The following CERS1 variants were observed in gnomAD, a reference collection of about 807,000 sequenced individuals.
CERS1 encodes the protein ceramide synthase 1.
Under a neutral mutation model 35.7 loss-of-function variants are expected in CERS1, and 16 were observed. The observed-to-expected ratio is 0.45, with a 90% CI of 0.30 to 0.68. The LOEUF (loss-of-function observed/expected upper bound fraction) is 0.68, where lower values mean the gene tolerates loss of function less well. CERS1 is among the 30% of genes least tolerant of loss of function. The pLI is 0.08. For synonymous variants in CERS1, 243 were observed against 201.6 expected, an observed-to-expected ratio of 1.21 and a Z score of -1.74; for missense variants, 454 against 453.9, an observed-to-expected ratio of 1.00 and a Z score of 0.00.
intron 3 of CERS1, 54 bp downstream of exon 3, chr19:18,884,033 C>T: frequency 6.4e-7 from 1 of 1,566,842 alleles, no homozygotes. Flanking sequence ...ACATCAGCCT[C>T]CGCACTCTGT....
rs2056104210 is a variant in CERS1 at position 18,878,386 on chromosome 19, C to G, written c.1010+544G>C. On this transcript the variant is annotated intron_variant, in intron 6 of 7. Transcript: ENST00000623882. This position sits in a 1 kb window ranked among gnomAD's most constrained non-coding sequence, Gnocchi z 4.6. ...TCGTGGGCTATCTCCTTCCCCAGGA[C>G]TCCCACCTGGGCTGGACTGAGTCTG... is the stretch of plus-strand genomic sequence containing the variant. 2 of 986,842 alleles carry G rather than the reference C, an allele frequency of 2.0e-6. No individual in the cohort carries two copies. Among genetic ancestry groups the G allele is most frequent in the South Asian group, 4.7e-5 (1 of 21,386 alleles). The allele number at this position is 986,842 out of a possible 1,614,324, so 61.1% of individuals were successfully genotyped here. A position where few individuals can be genotyped will look rare whatever the true frequency, so the allele number is the denominator to read the frequency against.
chr19:18,877,074 C>G (rs2056072459), intron 6 of CERS1, among the ~76,000 whole-genome samples: 1 of 152,196 alleles, frequency 6.6e-6, no homozygotes, highest in South Asian at 2.1e-4. Context: ...TGTTTTATAC[C>G]CAACTGCACT....
rs1206715320 is a variant in CERS1 at position 18,878,538 on chromosome 19, C to T, written c.1010+392G>A. On this transcript the variant is annotated intron_variant, in intron 6 of 7. Coordinates refer to ENST00000623882, the MANE Select transcript of CERS1 (RefSeq NM_021267.5). This position sits in a 1 kb window ranked among gnomAD's most constrained non-coding sequence, Gnocchi z 4.6. ...GCCCTTGGCGTTCCTTCCTCCCCAG[C>T]CCCACTGCCACCAGCTCCAGTGGCG... 6.8e-6 allele frequency: 7 copies of T among 1,032,178 alleles called. No individual in the cohort carries two copies. Among genetic ancestry groups the T allele is most frequent in the Non-Finnish European group, 8.2e-6 (7 of 857,216 alleles). The allele number at this position is 1,032,178 out of a possible 1,614,324, so 63.9% of individuals were successfully genotyped here.
intron 1 of CERS1, among the ~76,000 whole-genome samples, chr19:18,894,588 G>C (rs968530): frequency 0.72 from 109,219 of 151,952 alleles, 40,399 homozygotes; most frequent in African/African-American, 0.85. Flanking sequence ...GGTGGGGGAC[G>C]GCTTGCCCTC....
rs1182876067 is a variant in CERS1, at chr19:18,879,231, G to A, written c.900+10C>T. 1 of 1,613,402 alleles carries A rather than the reference G, an allele frequency of 6.2e-7. No individual in the cohort carries two copies. Among genetic ancestry groups the A allele is most frequent in the Non-Finnish European group, 8.5e-7 (1 of 1,179,728 alleles). On this transcript the variant is annotated intron_variant, in intron 5 of 7. Coordinates refer to ENST00000623882, the MANE Select transcript of CERS1 (RefSeq NM_021267.5). ...ACCGCCACTGTGGAGGAGAGCCGGG[G>A]CCGACTCACCAGGAACCAGTAGAGG...
chr19:18,895,112 G>T lies in CERS1; in HGVS notation c.249+712C>A, dbSNP rs995223426. The stretch of plus-strand genomic sequence containing the variant: ...GGAGGCAGCACAGTCCAACCCTGAA[G>T]CCCCGGGCCATGTCACCTCCAAGGG... On this transcript the variant is annotated intron_variant, in intron 1 of 7. Transcript: ENST00000623882. The surrounding 1 kb of genome is among the most constrained non-coding windows in gnomAD (Gnocchi z 6.4). Among the ~76,000 whole-genome samples the T allele has an allele frequency of 1.8e-4, 28 of 152,234 alleles. No individual in the cohort carries two copies. Among genetic ancestry groups the T allele is most frequent in the African/African-American group, 6.8e-4 (28 of 41,462 alleles).
Position 18,895,681 on chromosome 19 carries a change from C to T in CERS1, c.249+143G>A, listed in dbSNP as rs2056607921. 1 of 344,786 alleles carries T rather than the reference C, an allele frequency of 2.9e-6. No individual in the cohort carries two copies. Among genetic ancestry groups the T allele is most frequent in the Non-Finnish European group, 4.7e-6 (1 of 211,132 alleles). 21.4% of individuals were successfully genotyped at this position (344,786 alleles called of 1,614,324 possible). ...TCCAACGTCCTGGGCCTCTCCAGCC[C>T]GAGGCCCCCACCCACGTTCCGGCGA... is the stretch of plus-strand genomic sequence containing the variant. On this transcript the variant is annotated intron_variant, in intron 1 of 7. Transcript: ENST00000623882. This position sits in a 1 kb window ranked among gnomAD's most constrained non-coding sequence, Gnocchi z 6.4.
intron 3 of CERS1, among the ~76,000 whole-genome samples, chr19:18,882,670 T>G (rs1317489564): frequency 6.7e-6 from 1 of 150,334 alleles, no homozygotes; most frequent in African/African-American, 2.4e-5. Context: ...TAAGATAAAG[T>G]AATTTTAAAA....
rs2056106830 is a variant in CERS1, at chr19:18,878,478, G to A, written c.1010+452C>T. The A allele has an allele frequency of 1.0e-6, 1 of 994,338 alleles. No individual in the cohort carries two copies. The highest frequency in any genetic ancestry group is 4.5e-5 in the South Asian group (1 of 22,446). 61.6% of individuals were successfully genotyped at this position (994,338 alleles called of 1,614,324 possible). On this transcript the variant is annotated intron_variant, in intron 6 of 7. Transcript: ENST00000623882. This position sits in a 1 kb window ranked among gnomAD's most constrained non-coding sequence, Gnocchi z 4.6. ...CCCTGTCAAACTCAGAGGCCAGGAT[G>A]TCTCGGCCCAGATGGAGCCTGGGTT...
At position 18,884,409 on chromosome 19, in the gene CERS1, C is replaced by A. The variant is rs143418789; in HGVS notation, c.410-142G>T. ...GTGTCTGACTGCTGGCTTTCCATTCCCAATTCTATTTTTTTTTTTTTTTCT... is the reference window on the plus strand; with the variant it reads ...GTGTCTGACTGCTGGCTTTCCATTCACAATTCTATTTTTTTTTTTTTTTCT... On this transcript the variant is annotated intron_variant, in intron 2 of 7. Coordinates refer to ENST00000623882, the MANE Select transcript of CERS1 (RefSeq NM_021267.5). 8.8e-4 allele frequency: 649 copies of A among 737,030 alleles called. 6 individuals are homozygous for A. In the African/African-American group the frequency reaches 0.011, roughly 12 times the overall value. 45.7% of individuals were successfully genotyped at this position (737,030 alleles called of 1,614,324 possible). A position where few individuals can be genotyped will look rare whatever the true frequency, so the allele number is the denominator to read the frequency against.
intron 6 of CERS1, among the ~76,000 whole-genome samples, chr19:18,871,501 C>T (rs978447472): frequency 2.0e-5 from 3 of 152,114 alleles, no homozygotes; most frequent in African/African-American, 7.2e-5. Flanking sequence ...GGATTACAGG[C>T]GTGAGCCACC....
In CERS1 at chr19:18,879,346, A is replaced by AT; in HGVS notation, c.794dup (p.Tyr265Ter). The change falls in exon 5 of 8, where the codon TAT becomes TAAT. Residue 265 changes from tyrosine (Y) to a stop codon, truncating the protein, a stop_gained and frameshift_variant. Transcript: ENST00000623882. LOFTEE classifies it high-confidence loss of function. ...TGCGCAGACTGCAGTGACTGGTGGC[A>AT]TACAGGACCTTGAGCGGGAACCAGT... ...RLYWFPLKVL[Y>*]ATSHCSLRTV... 1 of 1,599,436 alleles carries AT rather than the reference A, an allele frequency of 6.3e-7. No homozygotes were observed. The highest frequency in any genetic ancestry group is 8.5e-7 in the Non-Finnish European group (1 of 1,173,220).
At position 18,893,581 on chromosome 19, in the gene CERS1, G is replaced by A. The variant is rs758882078; in HGVS notation, c.250-6C>T. On this transcript the variant is annotated splice_polypyrimidine_tract_variant and splice_region_variant and intron_variant, in intron 1 of 7. Coordinates refer to ENST00000623882, the MANE Select transcript of CERS1 (RefSeq NM_021267.5). ...CAGCACCGCTTCGCCAGGGGCTATG[G>A]GGGAGAAGACAGGCGGGCAGCCATT... 3.1e-6 allele frequency: 5 copies of A among 1,605,474 alleles called. No homozygotes were observed. In the African/African-American group the frequency reaches 4.0e-5, roughly 13 times the overall value.
chr19:18,869,059 T>TAGCGCC lies in CERS1; in HGVS notation c.*920_*925dup, dbSNP rs2055909568. On this transcript the variant is annotated 3_prime_UTR_variant, in exon 8 of 8. Transcript: ENST00000623882. ...CGCAGGCGGCAGGGGCCCGGGGGCG[T>TAGCGCC]AGCGCCAGCGCCAGGCGGAGGCTGC... The TAGCGCC allele has an allele frequency of 1.0e-5, 11 of 1,060,260 alleles. No individual in the cohort carries two copies. The highest frequency in any genetic ancestry group is 5.2e-5 in the African/African-American group (3 of 57,996). The allele number at this position is 1,060,260 out of a possible 1,614,324, so 65.7% of individuals were successfully genotyped here. A position where few individuals can be genotyped will look rare whatever the true frequency, so the allele number is the denominator to read the frequency against.
At chr19:18,880,101 G>A (rs1222545197) in intron 4 of CERS1, among the ~76,000 whole-genome samples, 173 bp downstream of exon 4, 2 of 147,622 alleles carry the variant, frequency 1.4e-5, no homozygotes, top group African/African-American at 5.0e-5. Context: ...CTCCTTTCCT[G>A]TATAGCCCCG....
At chr19:18,873,713 C>T (rs1478576402) in intron 6 of CERS1, among the ~76,000 whole-genome samples, 3 of 151,840 alleles carry the variant, frequency 2.0e-5, no homozygotes, top group Admixed American at 6.6e-5. Flanking sequence ...GTGGTGTACA[C>T]GCCTGTAATC....
chr19:18,877,215 A>T (rs2056074568), intron 6 of CERS1, among the ~76,000 whole-genome samples: 3 of 152,216 alleles, frequency 2.0e-5, no homozygotes. Flanking sequence ...AGGACATGCC[A>T]GCTCTTACCC....
At chr19:18,872,852 T>C (rs1253269623) in intron 6 of CERS1, among the ~76,000 whole-genome samples, 2 of 152,188 alleles carry the variant, frequency 1.3e-5, no homozygotes, top group Non-Finnish European at 2.9e-5. Flanking sequence ...TTTCACCACG[T>C]TGGCCAGGTT....
intron 6 of CERS1, among the ~76,000 whole-genome samples, chr19:18,877,755 TC>T (rs1283143361): frequency 5.9e-5 from 1 of 16,900 alleles, no homozygotes; most frequent in Admixed American, 5.8e-4. Flanking sequence ...AGACCCTGTC[TC>T]AAAAAAAAAA....
Sources: allele counts gnomAD v4.1 joint callset (sites outside exome capture counted in the v4.1 genomes callset), GRCh38; gene constraint gnomAD v4.1.1; non-coding constraint Gnocchi (gnomAD v3.1); transcripts MANE v1.5; gene names NCBI Gene and HGNC (gene_info 2026-07-23, HGNC 2026-07-21).